Variants in KCNH5 observed in about 807,000 individuals in gnomAD.
KCNH5 encodes potassium voltage-gated channel subfamily H member 5.
A neutral mutation model predicts 96.1 loss-of-function variants in KCNH5; 46 were observed. That is an observed-to-expected ratio of 0.48 (90% CI 0.38 to 0.61). The LOEUF is 0.61. KCNH5 is among the 20% of genes least tolerant of loss of function. The pLI is 0.00. For synonymous variants in KCNH5, 439 were observed against 449.8 expected (o/e 0.98, Z 0.30); for missense variants, 907 against 1,225.8 (o/e 0.74, Z 3.88).
intron 7 of KCNH5, among the ~76,000 whole-genome samples, chr14:62,908,322 G>A (rs1170273290): frequency 6.6e-6 from 1 of 152,140 alleles, no homozygotes; most frequent in Non-Finnish European, 1.5e-5. Flanking sequence ...GCAGAGATGA[G>A]CACAGACATG....
At chr14:63,026,767 G>A (rs1319776963) in intron 1 of KCNH5, among the ~76,000 whole-genome samples, 1 of 152,004 alleles carries the variant, frequency 6.6e-6, no homozygotes, top group African/African-American at 2.4e-5. Context: ...ATATAAATTA[G>A]TACAACCATT....
At chr14:62,712,517 G>T in intron 10 of KCNH5, 1 of 640,316 alleles carries the variant, frequency 1.6e-6, no homozygotes, top group South Asian at 1.9e-5. Flanking sequence ...ACACAACTGT[G>T]TGTCCAGGAT....
intron 7 of KCNH5, among the ~76,000 whole-genome samples, chr14:62,888,981 A>ATTTATCCT (rs1374258360): frequency 6.6e-6 from 1 of 152,176 alleles, no homozygotes; most frequent in Non-Finnish European, 1.5e-5. Flanking sequence ...TTGGAGTCAA[A>ATTTATCCT]TTTATCCTTA....
intron 7 of KCNH5, among the ~76,000 whole-genome samples, chr14:62,856,513 T>C (rs1007445180): frequency 6.6e-6 from 1 of 152,224 alleles, no homozygotes; most frequent in Non-Finnish European, 1.5e-5. Context: ...AAAGTTCACC[T>C]TTAATAATGA....
At chr14:62,860,304 A>G (rs1888008112) in intron 7 of KCNH5, among the ~76,000 whole-genome samples, 1 of 152,170 alleles carries the variant, frequency 6.6e-6, no homozygotes, top group Non-Finnish European at 1.5e-5. Context: ...CCTATCTACC[A>G]TTGACACCTC....
chr14:62,924,372 G>A (rs1266627903), intron 7 of KCNH5, among the ~76,000 whole-genome samples: 1 of 151,922 alleles, frequency 6.6e-6, no homozygotes, highest in Non-Finnish European at 1.5e-5. Context: ...CTGTTGGTGG[G>A]AATGTAAATT....
intron 5 of KCNH5, among the ~76,000 whole-genome samples, chr14:62,981,477 C>T (rs571871396): frequency 1.3e-5 from 2 of 152,354 alleles, no homozygotes; most frequent in African/African-American, 4.8e-5. Context: ...ATCTGGCATG[C>T]TCTGATGCAG....
chr14:62,865,143 G>A (rs1034116849), intron 7 of KCNH5, among the ~76,000 whole-genome samples: 2 of 152,144 alleles, frequency 1.3e-5, no homozygotes, highest in African/African-American at 2.4e-5. Flanking sequence ...AATAACCTAG[G>A]TAGTGACAGA....
At position 63,008,220 on chromosome 14, in the gene KCNH5, C is replaced by G. The variant is rs139079573; in HGVS notation, c.198-1748G>C. Among the ~76,000 whole-genome samples, 300 of 152,200 alleles carry G rather than the reference C, an allele frequency of 2.0e-3. 3 individuals carry two copies. The highest frequency in any genetic ancestry group is 7.1e-3 in the African/African-American group (294 of 41,542). On this transcript the variant is annotated intron_variant, in intron 2 of 10. Transcript: ENST00000322893. ...AGTGTGGTGGAGGCTGAAGCTTATA[C>G]AATTTGTGAAGCCCTCCTTAAGAAA...
intron 10 of KCNH5, among the ~76,000 whole-genome samples, chr14:62,716,399 C>A (rs1437317614): frequency 6.6e-6 from 1 of 152,150 alleles, no homozygotes; most frequent in African/African-American, 2.4e-5. Flanking sequence ...ATCCAAACTC[C>A]TTAGTAAGAA....
At chr14:62,829,335 A>ACCCC (rs1302509545) in intron 8 of KCNH5, among the ~76,000 whole-genome samples, 1 of 151,992 alleles carries the variant, frequency 6.6e-6, no homozygotes, top group Non-Finnish European at 1.5e-5. Flanking sequence ...GGGGGCTCCA[A>ACCCC]CCCCATATTT....
intron 8 of KCNH5, among the ~76,000 whole-genome samples, chr14:62,839,172 C>T (rs559129615): frequency 1.3e-5 from 2 of 152,160 alleles, no homozygotes; most frequent in South Asian, 4.1e-4. Context: ...TTTACAAAAT[C>T]ATACAGATAA....
At chr14:62,737,411 C>T (rs1343600643) in intron 10 of KCNH5, among the ~76,000 whole-genome samples, 2 of 152,126 alleles carry the variant, frequency 1.3e-5, no homozygotes, top group Non-Finnish European at 2.9e-5. Context: ...GTCATAATTC[C>T]TGGGTTCTAT....
chr14:62,699,635 A>G lies in KCNH5; in HGVS notation c.*7873T>C, dbSNP rs1884315980. The G allele has an allele frequency of 6.6e-6, 1 of 152,166 alleles. No individual in the cohort carries two copies. The highest frequency in any genetic ancestry group is 1.5e-5 in the Non-Finnish European group (1 of 68,020). 9.4% of individuals were successfully genotyped at this position (152,166 alleles called of 1,614,324 possible). A position where few individuals can be genotyped will look rare whatever the true frequency, so the allele number is the denominator to read the frequency against. On this transcript the variant is annotated 3_prime_UTR_variant, in exon 11 of 11. Transcript: ENST00000322893. Reference sequence around the variant, plus strand: ...TGCCAATTCACTTTTCAAAATGACCATTTTTTGAGAACAAACGTTAAATAA... The same window carrying G: ...TGCCAATTCACTTTTCAAAATGACCGTTTTTTGAGAACAAACGTTAAATAA...
intron 7 of KCNH5, among the ~76,000 whole-genome samples, chr14:62,913,306 CA>C: frequency 6.6e-6 from 1 of 152,112 alleles, no homozygotes; most frequent in East Asian, 1.9e-4. Flanking sequence ...CGGCTCACTG[CA>C]ACGTCCGCCT....
At chr14:62,930,087 T>C (rs1455068828) in intron 7 of KCNH5, among the ~76,000 whole-genome samples, 1 of 152,168 alleles carries the variant, frequency 6.6e-6, no homozygotes, top group African/African-American at 2.4e-5. Flanking sequence ...AGCACAGCTA[T>C]GAACATACAG....
chr14:62,736,399 T>TAA (rs71120230), intron 10 of KCNH5, among the ~76,000 whole-genome samples: 2,068 of 146,748 alleles, frequency 0.014, 16 homozygotes, highest in Non-Finnish European at 0.022. Flanking sequence ...TTCACCTTAA[T>TAA]AAAAAAAAAA....
At chr14:62,975,868 GT>G (rs1268188902) in intron 6 of KCNH5, among the ~76,000 whole-genome samples, 2 of 152,106 alleles carry the variant, frequency 1.3e-5, no homozygotes, top group African/African-American at 4.8e-5. Flanking sequence ...AAACTTGCCT[GT>G]TAAAGAGACT....
chr14:62,836,092 G>A (rs1887462292), intron 8 of KCNH5, among the ~76,000 whole-genome samples: 1 of 151,974 alleles, frequency 6.6e-6, no homozygotes, highest in Admixed American at 6.6e-5. Flanking sequence ...TTTCTTACAG[G>A]AGTACTGTGT....
Sources: gnomAD v4.1 joint callset for allele counts (sites outside exome capture counted in the v4.1 genomes callset) on GRCh38, gnomAD v4.1.1 for gene constraint, MANE v1.5 for transcripts, NCBI Gene and HGNC (gene_info 2026-07-23, HGNC 2026-07-21) for gene names.